Variants in GLIS3 observed in about 807,000 individuals in gnomAD.
GLIS3 encodes zinc finger protein GLIS3.
Under a neutral mutation model 78.6 loss-of-function variants are expected in GLIS3, and 53 were observed. The observed-to-expected ratio is 0.67, with a 90% CI of 0.54 to 0.85. The LOEUF is 0.85. GLIS3 is among the 40% of genes least tolerant of loss of function. The pLI is 0.00. For synonymous variants in GLIS3, 684 were observed against 509.9 expected, an observed-to-expected ratio of 1.34 and a Z score of -4.60; for missense variants, 1,703 against 1,231.1, an observed-to-expected ratio of 1.38 and a Z score of -5.74.
chr9:4,474,665 C>CA, the GLIS3 span, among the ~76,000 whole-genome samples: 1 of 149,932 alleles, frequency 6.7e-6, no homozygotes, highest in East Asian at 2.0e-4. Context: ...TTTATTTTTT[C>CA]TTTTTTTACT....
At chr9:4,480,294 A>G in the GLIS3 span, among the ~76,000 whole-genome samples, 2 of 146,064 alleles carry the variant, frequency 1.4e-5, no homozygotes, top group Non-Finnish European at 3.0e-5. Context: ...AGTCTAGACT[A>G]CCCAAGTTCA....
intron 2 of GLIS3, among the ~76,000 whole-genome samples, chr9:4,335,384 T>A (rs1817742561): frequency 6.6e-6 from 1 of 152,206 alleles, no homozygotes; most frequent in Non-Finnish European, 1.5e-5. Context: ...ATGGTTCAGT[T>A]AAAGTAAATC....
intron 2 of GLIS3, among the ~76,000 whole-genome samples, chr9:4,231,808 TACTACTCACAG>T (rs892286476): frequency 1.3e-5 from 2 of 152,236 alleles, no homozygotes; most frequent in African/African-American, 4.8e-5. Context: ...ACAATGGTCC[TACTACTCACAG>T]ACCCATATGG....
At chr9:4,398,847 C>T in the GLIS3 span, among the ~76,000 whole-genome samples, 1 of 152,108 alleles carries the variant, frequency 6.6e-6, no homozygotes, top group Non-Finnish European at 1.5e-5. Flanking sequence ...CACCAACATG[C>T]CTGGCTAATT....
chr9:4,093,741 G>C (rs1829710779), intron 4 of GLIS3, among the ~76,000 whole-genome samples: 1 of 152,172 alleles, frequency 6.6e-6, no homozygotes, highest in Non-Finnish European at 1.5e-5. Flanking sequence ...AACTCTTCTA[G>C]ATTGCAGTTA....
the GLIS3 span, among the ~76,000 whole-genome samples, chr9:4,359,231 A>T: frequency 6.6e-6 from 1 of 151,442 alleles, no homozygotes; most frequent in African/African-American, 2.4e-5. Context: ...AGCGCGTGTG[A>T]ATCTCCCTGA....
chr9:3,923,043 T>C (rs1335907186), intron 6 of GLIS3, among the ~76,000 whole-genome samples: 1 of 152,190 alleles, frequency 6.6e-6, no homozygotes, highest in African/African-American at 2.4e-5. Context: ...TGATAGCATT[T>C]TGGAAAAGAC....
At chr9:4,285,369 T>A (rs959245630) in intron 2 of GLIS3, among the ~76,000 whole-genome samples, 1 of 152,176 alleles carries the variant, frequency 6.6e-6, no homozygotes, top group East Asian at 1.9e-4. Flanking sequence ...AAAACACTAA[T>A]GAATTAAAAG....
intron 2 of GLIS3, among the ~76,000 whole-genome samples, chr9:4,157,537 A>T (rs191115490): frequency 2.0e-5 from 3 of 152,308 alleles, no homozygotes; most frequent in African/African-American, 7.2e-5. Flanking sequence ...CTATCATTCA[A>T]TGAAAGAGCA....
chr9:4,010,260 ACATATAACCTTGGC>A lies in GLIS3; in HGVS notation c.1711-73085_1711-73072del, dbSNP rs1821892202. On this transcript the variant is annotated intron_variant, in intron 4 of 10. Coordinates refer to ENST00000381971, the MANE Select transcript of GLIS3 (RefSeq NM_001042413.2). Reference sequence around the variant, plus strand: ...TGATCCCAACTCTGCCACTTACTAGACATATAACCTTGGCCAAGTTATTCGACCTGATGTGCTTC... The same window carrying A: ...TGATCCCAACTCTGCCACTTACTAGACAAGTTATTCGACCTGATGTGCTTC... 2.6e-5 allele frequency among the ~76,000 whole-genome samples: 4 copies of A among 152,348 alleles called. No homozygotes were observed. The South Asian group carries it at 8.3e-4, about 32-fold the overall frequency.
chr9:3,868,522 A>G (rs1820755775), intron 8 of GLIS3, among the ~76,000 whole-genome samples: 1 of 152,254 alleles, frequency 6.6e-6, no homozygotes, highest in South Asian at 2.1e-4. Flanking sequence ...TCACTAATCC[A>G]GGAGGTACAA....
intron 2 of GLIS3, among the ~76,000 whole-genome samples, chr9:4,334,954 G>T (rs1371636872): frequency 7.0e-6 from 1 of 141,956 alleles, no homozygotes; most frequent in Non-Finnish European, 1.5e-5. Context: ...TGTCACCCAG[G>T]CTGGAGTGCA....
chr9:4,381,995 C>CT, the GLIS3 span, among the ~76,000 whole-genome samples: 2 of 152,210 alleles, frequency 1.3e-5, no homozygotes, highest in African/African-American at 4.8e-5. Context: ...TGCTCCTGGA[C>CT]TTTGACAGCT....
chr9:4,333,281 G>A (rs575554500), intron 2 of GLIS3, among the ~76,000 whole-genome samples: 4 of 150,800 alleles, frequency 2.7e-5, no homozygotes, highest in South Asian at 4.2e-4. Flanking sequence ...GAAGGGGAAT[G>A]GTAGGGGCAG....
At chr9:3,936,760 A>G (rs1401374432) in intron 5 of GLIS3, among the ~76,000 whole-genome samples, 1 of 152,166 alleles carries the variant, frequency 6.6e-6, no homozygotes, top group Non-Finnish European at 1.5e-5. Context: ...CAGCCCCTAA[A>G]CTGCTTTTGC....
At chr9:3,950,109 C>G (rs958952539) in intron 4 of GLIS3, among the ~76,000 whole-genome samples, 3 of 152,236 alleles carry the variant, frequency 2.0e-5, no homozygotes, top group African/African-American at 4.8e-5. Context: ...ACATTTCCCT[C>G]TCCCACATAT....
At chr9:4,189,553 A>C (rs1043991738) in intron 2 of GLIS3, among the ~76,000 whole-genome samples, 1 of 152,018 alleles carries the variant, frequency 6.6e-6, no homozygotes, top group African/African-American at 2.4e-5. Flanking sequence ...TATCGTTGTT[A>C]ACTTTCTGTC....
chr9:4,474,804 C>T, the GLIS3 span, among the ~76,000 whole-genome samples: 3 of 150,830 alleles, frequency 2.0e-5, no homozygotes, highest in African/African-American at 7.3e-5. Context: ...TCAAGTGATC[C>T]TCCCACATCA....
intron 4 of GLIS3, among the ~76,000 whole-genome samples, chr9:4,015,888 CAAAAA>C (rs1049791263): frequency 6.2e-5 from 2 of 32,252 alleles, no homozygotes; most frequent in Non-Finnish European, 1.4e-4. Flanking sequence ...GACTCTGTCT[CAAAAA>C]AAAAAAAAAA....
Sources: allele counts gnomAD v4.1 joint callset (sites outside exome capture counted in the v4.1 genomes callset), GRCh38; gene constraint gnomAD v4.1.1; transcripts MANE v1.5; gene names NCBI Gene and HGNC (gene_info 2026-07-23, HGNC 2026-07-21).